RCOR1: variants seen among roughly 807,000 people sequenced by gnomAD.
RCOR1 encodes REST corepressor.
RCOR1 carries 12 observed loss-of-function variants against 64.0 expected under a neutral mutation model. The ratio of observed to expected loss-of-function variants is 0.19; its 90% CI spans 0.12 to 0.30. RCOR1 has a LOEUF of 0.30. RCOR1 is among the 10% of genes least tolerant of loss of function. The probability of loss-of-function intolerance (pLI) is 1.00; values close to 1 mark genes in which losing one functional copy is unlikely to be tolerated. For missense variants in RCOR1, 502 were observed against 621.2 expected (o/e 0.81, Z 2.04); for synonymous variants, 279 against 227.2 (o/e 1.23, Z -2.05).
In RCOR1 at chr14:102,701,266, C is replaced by G. The variant is rs1342737324; in HGVS notation, c.446-12C>G. The G allele has an allele frequency of 6.2e-7, 1 of 1,610,796 alleles. No individual in the cohort carries two copies. The highest frequency in any genetic ancestry group is 1.1e-5 in the South Asian group (1 of 90,976). ...CTCAGTTTGTTTAATGGCATCTCTT[C>G]TTGTTTTTCAGTGGATGAATACATT... On this transcript the variant is annotated splice_polypyrimidine_tract_variant and intron_variant, in intron 3 of 11. Transcript: ENST00000262241.
At chr14:102,720,898 T>TA (rs1261522438) in intron 8 of RCOR1, 109 bp from the exon 9 acceptor site, 4 of 594,956 alleles carry the variant, frequency 6.7e-6, no homozygotes, top group Admixed American at 6.5e-5. Flanking sequence ...CAACAGATGT[T>TA]AGTAACGTCT....
chr14:102,638,165 CATAAA>C (rs1299419911), intron 2 of RCOR1, among the ~76,000 whole-genome samples: 1 of 152,194 alleles, frequency 6.6e-6, no homozygotes, highest in African/African-American at 2.4e-5. Flanking sequence ...GGATAGCACA[CATAAA>C]ATAGTCCAAG....
chr14:102,664,101 C>G (rs1051696127), intron 2 of RCOR1, among the ~76,000 whole-genome samples: 7 of 152,026 alleles, frequency 4.6e-5, no homozygotes, highest in African/African-American at 1.7e-4. Flanking sequence ...GTGATTGAGT[C>G]AGTTCTATTT....
chr14:102,696,482 A>G (rs1208420085), intron 3 of RCOR1, among the ~76,000 whole-genome samples: 1 of 152,062 alleles, frequency 6.6e-6, no homozygotes, highest in Admixed American at 6.6e-5. Context: ...TGCTTTGCGC[A>G]CCCTGTACAC....
chr14:102,617,971 TC>T (rs1221265585), intron 2 of RCOR1, among the ~76,000 whole-genome samples: 3 of 146,170 alleles, frequency 2.1e-5, no homozygotes, highest in Non-Finnish European at 4.5e-5. Flanking sequence ...CTTTTTTTTT[TC>T]TTTTTTTTTT....
At chr14:102,715,698 TA>T (rs1241316853) in intron 8 of RCOR1, among the ~76,000 whole-genome samples, 1 of 152,350 alleles carries the variant, frequency 6.6e-6, no homozygotes, top group East Asian at 1.9e-4. Context: ...TTCTGATTTT[TA>T]AAACCATAAG....
chr14:102,656,073 C>T, intron 2 of RCOR1: 1 of 984,948 alleles, frequency 1.0e-6, no homozygotes, highest in Non-Finnish European at 1.2e-6. Context: ...TCTTGATGTA[C>T]CCATTTATTT....
intron 2 of RCOR1, among the ~76,000 whole-genome samples, chr14:102,594,129 A>G (rs961254172): frequency 4.6e-5 from 7 of 152,208 alleles, no homozygotes; most frequent in Non-Finnish European, 8.8e-5. Context: ...AAAAAATCCG[A>G]TCAGACAAAG....
rs192952445 is a variant in RCOR1, at chr14:102,681,494, T to C, written c.362-401T>C. On this transcript the variant is annotated intron_variant, in intron 2 of 11. Coordinates refer to ENST00000262241, the MANE Select transcript of RCOR1 (RefSeq NM_015156.4). ...TTAAACTTTTTAAATAGTTATTCTT[T>C]AATAATGCTGTTAAAAGAATTTTGG... Among the ~76,000 whole-genome samples, 266 of 152,378 alleles carry C rather than the reference T, an allele frequency of 1.7e-3. 2 individuals are homozygous for C. The highest frequency in any genetic ancestry group is 1.6e-3 in the Non-Finnish European group (112 of 68,042).
chr14:102,639,264 C>CTTTT (rs11306200), intron 2 of RCOR1, among the ~76,000 whole-genome samples: 2 of 125,550 alleles, frequency 1.6e-5, no homozygotes, highest in Non-Finnish European at 3.4e-5. Context: ...TTCTTTCTTT[C>CTTTT]TTTTTTTTTT....
At chr14:102,593,347 C>CCGG (rs758436448) in intron 2 of RCOR1, 22 bp downstream of exon 2, 1 of 1,523,456 alleles carries the variant, frequency 6.6e-7, no homozygotes, top group Non-Finnish European at 8.7e-7. Flanking sequence ...CCCCGGCCGG[C>CCGG]CGGCGGCGGG....
At chr14:102,711,113 T>C in intron 7 of RCOR1, 100 bp downstream of exon 7, 1 of 743,056 alleles carries the variant, frequency 1.3e-6, no homozygotes, top group East Asian at 2.8e-5. Context: ...TATTAAGTGC[T>C]ATGTGGAAAG....
At chr14:102,668,432 A>G (rs916041238) in intron 2 of RCOR1, among the ~76,000 whole-genome samples, 1 of 152,230 alleles carries the variant, frequency 6.6e-6, no homozygotes, top group Non-Finnish European at 1.5e-5. Flanking sequence ...ATTCTTTGTT[A>G]CCAAGCAATT....
chr14:102,603,702 C>T (rs1200386178), intron 2 of RCOR1, among the ~76,000 whole-genome samples: 4 of 151,966 alleles, frequency 2.6e-5, no homozygotes, highest in East Asian at 1.9e-4. Flanking sequence ...CTCACTGCAA[C>T]CTTCATCTCC....
At position 102,634,636 on chromosome 14, in the gene RCOR1, GTA is replaced by G. The variant is rs761011160; in HGVS notation, c.361+41325_361+41326del. Among the ~76,000 whole-genome samples the G allele has an allele frequency of 9.8e-3, 1,380 of 141,112 alleles. 6 individuals carry two copies. Among genetic ancestry groups the G allele is most frequent in the East Asian group, 0.027 (138 of 5,102 alleles). The allele number at this position is 141,112 out of a possible 152,430, so 92.6% of individuals were successfully genotyped here. The stretch of plus-strand genomic sequence containing the variant: ...TGTATGTATGTGTGTGTGTATGTGT[GTA>G]TATATATATATATGTATATATATAT... On this transcript the variant is annotated intron_variant, in intron 2 of 11. Coordinates refer to ENST00000262241, the MANE Select transcript of RCOR1 (RefSeq NM_015156.4).
In RCOR1 at chr14:102,657,133, A is replaced by G. The variant is rs1595215783; in HGVS notation, c.362-24762A>G. 1.3e-5 allele frequency: 13 copies of G among 966,968 alleles called. No homozygotes were observed. The South Asian group carries it at 1.9e-4, about 14-fold the overall frequency. 59.9% of individuals were successfully genotyped at this position (966,968 alleles called of 1,614,324 possible). On this transcript the variant is annotated intron_variant, in intron 2 of 11. Transcript: ENST00000262241. ...TTTCCTTATATAATTTAGGTTGACT[A>G]TGTAAACCCAAAACACATAGGGTAG...
chr14:102,643,880 G>A (rs990115269), intron 2 of RCOR1, among the ~76,000 whole-genome samples: 10 of 152,218 alleles, frequency 6.6e-5, no homozygotes, highest in Admixed American at 2.6e-4. Context: ...CAGCAAATTA[G>A]AAGGTTCTTC....
At chr14:102,695,045 C>T (rs1895616654) in intron 3 of RCOR1, among the ~76,000 whole-genome samples, 1 of 152,202 alleles carries the variant, frequency 6.6e-6, no homozygotes, top group South Asian at 2.1e-4. Context: ...CAAGATCACA[C>T]AGTGTTCTGA....
chr14:102,593,372 C>T (rs748759223), intron 2 of RCOR1, 47 bp downstream of exon 2: 21 of 1,468,770 alleles, frequency 1.4e-5, no homozygotes, highest in Non-Finnish European at 1.9e-5. Context: ...AGCGGGAGCC[C>T]CGGGTCCCCG....
Sources: allele counts gnomAD v4.1 joint callset (sites outside exome capture counted in the v4.1 genomes callset), GRCh38; gene constraint gnomAD v4.1.1; transcripts MANE v1.5; gene names NCBI Gene and HGNC (gene_info 2026-07-23, HGNC 2026-07-21).